Variants in MED12L observed in about 807,000 individuals in gnomAD.
MED12L encodes the protein mediator of RNA polymerase II transcription subunit 12-like protein.
A neutral mutation model predicts 281.3 loss-of-function variants in MED12L; 60 were observed. That is an observed-to-expected ratio of 0.21 (90% CI 0.17 to 0.26). The LOEUF is 0.26. Among genes scored for constraint, MED12L ranks in the 10% least tolerant of loss-of-function variants. The pLI is 1.00. For synonymous variants in MED12L, 974 were observed against 987.2 expected (o/e 0.99, Z 0.25); for missense variants, 2,146 against 2,680.9 (o/e 0.80, Z 4.41).
chr3:151,169,634 G>A (rs1721174288), intron 11 of MED12L, among the ~76,000 whole-genome samples: 2 of 152,088 alleles, frequency 1.3e-5, no homozygotes, highest in Admixed American at 1.3e-4. Context: ...ATACAAATAT[G>A]TTTTAAAAAT....
At chr3:151,432,625 A>G (rs1719662458) in intron 44 of MED12L, 127 bp from the exon 45 acceptor site, 2 of 685,020 alleles carry the variant, frequency 2.9e-6, no homozygotes, top group Non-Finnish European at 5.2e-6. Context: ...GGGCAAGGAT[A>G]GTACTCTCCG....
intron 16 of MED12L, among the ~76,000 whole-genome samples, chr3:151,225,790 C>T (rs974758891): frequency 2.6e-5 from 4 of 152,204 alleles, no homozygotes; most frequent in South Asian, 2.1e-4. Flanking sequence ...ATGTTTGACA[C>T]TCACCACACT....
intron 5 of MED12L, among the ~76,000 whole-genome samples, chr3:151,137,584 T>C (rs1431492): frequency 0.14 from 20,854 of 152,268 alleles, 1,668 homozygotes; most frequent in East Asian, 0.26. Context: ...TGCATGTGTG[T>C]GCATGTATGT....
At chr3:151,303,414 A>G (rs978707483) in intron 16 of MED12L, among the ~76,000 whole-genome samples, 43 of 152,236 alleles carry the variant, frequency 2.8e-4, no homozygotes, top group African/African-American at 1.0e-3. Flanking sequence ...TCTAAGGCCA[A>G]TAGAAAATAG....
At chr3:151,166,744 C>G (rs1194227254) in intron 11 of MED12L, among the ~76,000 whole-genome samples, 2 of 151,652 alleles carry the variant, frequency 1.3e-5, no homozygotes, top group African/African-American at 4.8e-5. Flanking sequence ...GGTGCAATCT[C>G]GGCTCACTGC....
chr3:151,176,372 TTAC>T (rs1016147220), intron 11 of MED12L, among the ~76,000 whole-genome samples: 1 of 151,978 alleles, frequency 6.6e-6, no homozygotes, highest in Non-Finnish European at 1.5e-5. Context: ...AAGAGGTCCA[TTAC>T]TTGCCTAGGG....
intron 16 of MED12L, among the ~76,000 whole-genome samples, chr3:151,343,504 A>G (rs1752136643): frequency 6.6e-6 from 1 of 152,218 alleles, no homozygotes; most frequent in South Asian, 2.1e-4. Flanking sequence ...CAGTTAGACC[A>G]CTTAATGCTG....
At position 151,432,952 on chromosome 3, in the gene MED12L, A is replaced by G. The variant is rs575489975; in HGVS notation, c.*148A>G. 3 of 611,282 alleles carry G rather than the reference A, an allele frequency of 4.9e-6. No homozygotes were observed. The African/African-American group carries it at 5.6e-5, about 11-fold the overall frequency. The allele number at this position is 611,282 out of a possible 1,614,324, so 37.9% of individuals were successfully genotyped here. On this transcript the variant is annotated 3_prime_UTR_variant, in exon 45 of 45. Coordinates refer to ENST00000687756, the MANE Select transcript of MED12L (RefSeq NM_001393769.1). ...TATGCTACATCTCACAAAAAAAAAAAAAGGTGTTTAAACAAAAAGCCAAGG... is the reference window on the plus strand; with the variant it reads ...TATGCTACATCTCACAAAAAAAAAAGAAGGTGTTTAAACAAAAAGCCAAGG...
chr3:151,089,766 T>C (rs902015500), intron 2 of MED12L, among the ~76,000 whole-genome samples: 2 of 152,130 alleles, frequency 1.3e-5, no homozygotes, highest in Non-Finnish European at 1.5e-5. Context: ...CAGCATCCTG[T>C]AGGACTTCAT....
At chr3:151,337,829 C>G in intron 16 of MED12L, 1 of 1,613,916 alleles carries the variant, frequency 6.2e-7, no homozygotes, top group South Asian at 1.1e-5. Flanking sequence ...ACATTGGAGT[C>G]TCTTCATTTG....
At chr3:151,206,679 C>T (rs1263384703) in intron 16 of MED12L, among the ~76,000 whole-genome samples, 1 of 90,934 alleles carries the variant, frequency 1.1e-5, no homozygotes, top group Non-Finnish European at 1.9e-5. Context: ...GAGTCTTGCT[C>T]TGTCACCCAG....
intron 16 of MED12L, among the ~76,000 whole-genome samples, chr3:151,202,428 T>C (rs1725734958): frequency 6.6e-6 from 1 of 152,240 alleles, no homozygotes; most frequent in Non-Finnish European, 1.5e-5. Context: ...CCCAGCACTT[T>C]GGGAGGCTGA....
intron 16 of MED12L, among the ~76,000 whole-genome samples, chr3:151,333,582 A>C (rs1387545536): frequency 6.6e-6 from 1 of 152,232 alleles, no homozygotes; most frequent in African/African-American, 2.4e-5. Flanking sequence ...TTACGATAAT[A>C]GTTTTTCTCT....
At chr3:151,384,448 AAAG>A (rs1320790704) in intron 35 of MED12L, among the ~76,000 whole-genome samples, 1 of 152,244 alleles carries the variant, frequency 6.6e-6, no homozygotes, top group Non-Finnish European at 1.5e-5. Flanking sequence ...TTAATTTTTT[AAAG>A]AACTTTAGAA....
intron 36 of MED12L, among the ~76,000 whole-genome samples, chr3:151,387,403 C>T (rs1295131679): frequency 6.6e-6 from 1 of 152,084 alleles, no homozygotes; most frequent in African/African-American, 2.4e-5. Flanking sequence ...TAACTTGACT[C>T]TTAAATTTGA....
chr3:151,391,673 C>T (rs568059239), intron 38 of MED12L, among the ~76,000 whole-genome samples: 1 of 152,218 alleles, frequency 6.6e-6, no homozygotes, highest in Non-Finnish European at 1.5e-5. Flanking sequence ...TCTTGGGCCG[C>T]ATGCAGCACA....
intron 16 of MED12L, chr3:151,198,837 A>G: frequency 6.2e-7 from 1 of 1,613,504 alleles, no homozygotes; most frequent in Non-Finnish European, 8.5e-7. Context: ...ATTGCTACAC[A>G]TATGAAATTT....
At chr3:151,394,195 A>C (rs1018684671) in intron 38 of MED12L, among the ~76,000 whole-genome samples, 1 of 152,176 alleles carries the variant, frequency 6.6e-6, no homozygotes, top group African/African-American at 2.4e-5. Context: ...TAAAACAGGC[A>C]TTTTCATTTT....
intron 8 of MED12L, among the ~76,000 whole-genome samples, chr3:151,162,301 G>A (rs1172391291): frequency 1.3e-5 from 2 of 152,222 alleles, no homozygotes; most frequent in Non-Finnish European, 2.9e-5. Flanking sequence ...CCAGTGGAAA[G>A]AGATGGATTG....
Sources: gnomAD v4.1 joint callset for allele counts (sites outside exome capture counted in the v4.1 genomes callset) on GRCh38, gnomAD v4.1.1 for gene constraint, MANE v1.5 for transcripts, NCBI Gene and HGNC (gene_info 2026-07-23, HGNC 2026-07-21) for gene names.